The following PIP4K2A variants were observed in gnomAD, a reference collection of about 807,000 sequenced individuals.
PIP4K2A encodes the protein phosphatidylinositol 5-phosphate 4-kinase type-2 alpha.
A neutral mutation model predicts 42.9 loss-of-function variants in PIP4K2A; 14 were observed. That is an observed-to-expected ratio of 0.33 (90% CI 0.22 to 0.51). The LOEUF (loss-of-function observed/expected upper bound fraction) is 0.51, where lower values mean the gene tolerates loss of function less well. Among genes scored for constraint, PIP4K2A ranks in the 20% least tolerant of loss-of-function variants. The pLI, the probability that PIP4K2A is intolerant of heterozygous loss-of-function variation, is 0.97. For missense variants in PIP4K2A, 434 were observed against 519.8 expected (o/e 0.83, Z 1.61); for synonymous variants, 192 against 192.2 (o/e 1.00, Z 0.01).
chr10:22,558,138 A>G (rs1368091205), intron 6 of PIP4K2A, among the ~76,000 whole-genome samples: 1 of 152,218 alleles, frequency 6.6e-6, no homozygotes, highest in East Asian at 1.9e-4. Flanking sequence ...TCACTGTGAC[A>G]CTCAGAGCTG....
In PIP4K2A at chr10:22,594,977, T is replaced by C. The variant is rs191252038; in HGVS notation, c.340-3196A>G. On this transcript the variant is annotated intron_variant, in intron 3 of 9. Coordinates refer to ENST00000376573, the MANE Select transcript of PIP4K2A (RefSeq NM_005028.5). Reference sequence around the variant, plus strand: ...ACTATCTGAATATTTTTAAGGTTCATGAACATGAAATAACCAATGAAGTTA... The same window carrying C: ...ACTATCTGAATATTTTTAAGGTTCACGAACATGAAATAACCAATGAAGTTA... Among the ~76,000 whole-genome samples the C allele has an allele frequency of 5.3e-5, 8 of 152,338 alleles. No individual in the cohort carries two copies. The East Asian group carries it at 1.2e-3, about 22-fold the overall frequency.
intron 1 of PIP4K2A, chr10:22,713,967 C>A (rs1389921888): frequency 4.5e-6 from 2 of 443,002 alleles, no homozygotes; most frequent in African/African-American, 4.2e-5. Flanking sequence ...CGCACCGGGC[C>A]ATAGATCTAA....
intron 4 of PIP4K2A, among the ~76,000 whole-genome samples, chr10:22,583,969 G>A (rs563332681): frequency 6.6e-6 from 1 of 152,336 alleles, no homozygotes; most frequent in South Asian, 2.1e-4. Flanking sequence ...AGGCTTGACT[G>A]GGCCAGCATG....
chr10:22,641,909 T>A (rs1166685341), intron 1 of PIP4K2A: 1 of 152,260 alleles, frequency 6.6e-6, no homozygotes, highest in Admixed American at 6.5e-5. Flanking sequence ...GCAGCCAGAA[T>A]TGTTCAGGGC....
At chr10:22,569,552 A>T (rs973977442) in intron 5 of PIP4K2A, among the ~76,000 whole-genome samples, 1 of 152,216 alleles carries the variant, frequency 6.6e-6, no homozygotes, top group South Asian at 2.1e-4. Flanking sequence ...AATACTTTTT[A>T]AAAATGGGAC....
chr10:22,707,405 GTT>G (rs934173415), intron 1 of PIP4K2A, among the ~76,000 whole-genome samples: 30 of 152,236 alleles, frequency 2.0e-4, no homozygotes, highest in African/African-American at 6.7e-4. Flanking sequence ...GTAAGTTACT[GTT>G]TTAAAACTCC....
intron 1 of PIP4K2A, among the ~76,000 whole-genome samples, chr10:22,647,665 T>A (rs907922778): frequency 3.9e-5 from 6 of 152,206 alleles, no homozygotes; most frequent in African/African-American, 1.4e-4. Flanking sequence ...AGCTATCACA[T>A]CTTTGTTCCA....
intron 6 of PIP4K2A, among the ~76,000 whole-genome samples, chr10:22,566,129 C>T (rs113308272): frequency 3.9e-5 from 6 of 152,318 alleles, no homozygotes; most frequent in African/African-American, 1.4e-4. Context: ...GTTACTCACA[C>T]CTATTCACAC....
At chr10:22,618,873 C>T (rs143385968) in intron 1 of PIP4K2A, among the ~76,000 whole-genome samples, 13 of 152,160 alleles carry the variant, frequency 8.5e-5, no homozygotes, top group African/African-American at 2.2e-4. Context: ...GGGGAAACTA[C>T]GACTATTTAT....
chr10:22,695,775 C>T (rs1839957467), intron 1 of PIP4K2A, among the ~76,000 whole-genome samples: 1 of 152,134 alleles, frequency 6.6e-6, no homozygotes, highest in African/African-American at 2.4e-5. Context: ...TGTGTAAGTA[C>T]CTAACACAAT....
intron 3 of PIP4K2A, among the ~76,000 whole-genome samples, chr10:22,598,507 G>A (rs1837681773): frequency 6.6e-6 from 1 of 152,194 alleles, no homozygotes; most frequent in Non-Finnish European, 1.5e-5. Flanking sequence ...AAAATTCCCA[G>A]CCCACAAGGT....
At chr10:22,713,911 C>A in intron 1 of PIP4K2A, 1 of 276,752 alleles carries the variant, frequency 3.6e-6, no homozygotes. Context: ...CCGGGGGCGG[C>A]ACTGGCACCC....
At chr10:22,537,598 G>A (rs1165862723) in intron 9 of PIP4K2A, among the ~76,000 whole-genome samples, 1 of 152,154 alleles carries the variant, frequency 6.6e-6, no homozygotes, top group Non-Finnish European at 1.5e-5. Flanking sequence ...ATCAAAGAGT[G>A]GAATTGTTCA....
chr10:22,570,704 T>C (rs943292247), intron 5 of PIP4K2A, among the ~76,000 whole-genome samples: 2 of 152,240 alleles, frequency 1.3e-5, no homozygotes, highest in African/African-American at 4.8e-5. Flanking sequence ...TTTATAATAA[T>C]ACTGAGAAAT....
At chr10:22,548,206 C>CTGT (rs1189433898) in intron 7 of PIP4K2A, among the ~76,000 whole-genome samples, 1 of 152,176 alleles carries the variant, frequency 6.6e-6, no homozygotes, top group African/African-American at 2.4e-5. Flanking sequence ...ACTAAAGACA[C>CTGT]TGTTATCAGC....
At chr10:22,538,132 T>C (rs1324523022) in intron 9 of PIP4K2A, among the ~76,000 whole-genome samples, 1 of 152,230 alleles carries the variant, frequency 6.6e-6, no homozygotes, top group Non-Finnish European at 1.5e-5. Context: ...TAGACACCCA[T>C]GTTCACCGGG....
intron 6 of PIP4K2A, among the ~76,000 whole-genome samples, chr10:22,559,716 T>C (rs1348196139): frequency 2.0e-5 from 3 of 152,224 alleles, no homozygotes; most frequent in African/African-American, 7.2e-5. Context: ...ATTTTAGTGA[T>C]GGTCAGGCCA....
At chr10:22,685,116 C>G (rs535978616) in intron 1 of PIP4K2A, among the ~76,000 whole-genome samples, 77 of 152,082 alleles carry the variant, frequency 5.1e-4, no homozygotes, top group Middle Eastern at 6.8e-3. Flanking sequence ...GACTTTGATT[C>G]TGAAAATGGT....
chr10:22,689,562 G>A (rs1312126162), intron 1 of PIP4K2A, among the ~76,000 whole-genome samples: 1 of 145,988 alleles, frequency 6.8e-6, no homozygotes, highest in Admixed American at 6.6e-5. Context: ...GCAGGAGGAT[G>A]TGCACAGTAT....
Sources: gnomAD v4.1 joint callset for allele counts (sites outside exome capture counted in the v4.1 genomes callset) on GRCh38, gnomAD v4.1.1 for gene constraint, MANE v1.5 for transcripts, NCBI Gene and HGNC (gene_info 2026-07-23, HGNC 2026-07-21) for gene names.